Variants in MSI2 observed in about 807,000 individuals in gnomAD.
MSI2 encodes the protein RNA-binding protein Musashi homolog 2.
In MSI2, 17 loss-of-function variants were observed where a neutral mutation model predicts 45.6. That is an observed-to-expected ratio of 0.37 (90% CI 0.26 to 0.56). The LOEUF is 0.56. Ranked by LOEUF, MSI2 falls within the 20% of genes least tolerant of loss-of-function variation. The probability of loss-of-function intolerance (pLI) is 0.77; values close to 1 mark genes in which losing one functional copy is unlikely to be tolerated. For missense variants in MSI2, 293 were observed against 444.2 expected, an observed-to-expected ratio of 0.66 and a Z score of 3.06; for synonymous variants, 156 against 158.2, an observed-to-expected ratio of 0.99 and a Z score of 0.11.
At chr17:57,489,011 C>G (rs567546963) in intron 6 of MSI2, among the ~76,000 whole-genome samples, 25 of 152,286 alleles carry the variant, frequency 1.6e-4, no homozygotes, top group African/African-American at 5.8e-4. Context: ...GGCCTTCACT[C>G]TCAGTCCGTG....
intron 5 of MSI2, among the ~76,000 whole-genome samples, chr17:57,293,197 T>G (rs1234208051): frequency 6.6e-6 from 1 of 150,866 alleles, no homozygotes; most frequent in Non-Finnish European, 1.5e-5. Flanking sequence ...CTGAGAATGG[T>G]GTTTGCTCCA....
chr17:57,440,533 A>C (rs893374632), intron 6 of MSI2, among the ~76,000 whole-genome samples: 21 of 151,156 alleles, frequency 1.4e-4, no homozygotes, highest in African/African-American at 5.1e-4. Context: ...GAGGAGGCTC[A>C]TATACTGCTG....
At chr17:57,262,847 TG>T (rs968084134) in intron 5 of MSI2, among the ~76,000 whole-genome samples, 3 of 152,226 alleles carry the variant, frequency 2.0e-5, no homozygotes, top group African/African-American at 7.2e-5. Flanking sequence ...TTTTTAGAAG[TG>T]TGTCGTTAAC....
intron 6 of MSI2, chr17:57,450,281 A>AAGAAAGAAAGAAAGAAAGAG (rs2084982112): frequency 8.7e-6 from 1 of 115,496 alleles, no homozygotes; most frequent in African/African-American, 3.4e-5. Flanking sequence ...GAAAGAAAGA[A>AAGAAAGAAAGAAAGAAAGAG]AGAAAGAAAG....
chr17:57,354,766 A>C (rs1389924922), intron 5 of MSI2, among the ~76,000 whole-genome samples: 1 of 152,168 alleles, frequency 6.6e-6, no homozygotes, highest in South Asian at 2.1e-4. Context: ...TTGTATTAAT[A>C]CAAAGGAGCA....
intron 7 of MSI2, among the ~76,000 whole-genome samples, chr17:57,546,496 T>C (rs1311999427): frequency 6.6e-6 from 1 of 152,162 alleles, no homozygotes; most frequent in Non-Finnish European, 1.5e-5. Flanking sequence ...GGGTAAAAAA[T>C]ACACCAGAAA....
chr17:57,659,326 C>A (rs571303228), intron 11 of MSI2, among the ~76,000 whole-genome samples: 11 of 152,070 alleles, frequency 7.2e-5, no homozygotes, highest in Admixed American at 7.2e-4. Flanking sequence ...AAACTCCTGG[C>A]CTGAAATGAT....
chr17:57,631,638 G>A (rs1909381753), intron 10 of MSI2: 2 of 675,878 alleles, frequency 3.0e-6, no homozygotes, highest in Admixed American at 5.1e-5. Context: ...CCCACATCCA[G>A]GTGTCCACCC....
At chr17:57,361,688 G>T (rs1204033071) in intron 5 of MSI2, among the ~76,000 whole-genome samples, 1 of 152,016 alleles carries the variant, frequency 6.6e-6, no homozygotes, top group African/African-American at 2.4e-5. Context: ...CATCATAAAG[G>T]ACTTCAGACT....
intron 7 of MSI2, among the ~76,000 whole-genome samples, chr17:57,536,732 G>A (rs1006817266): frequency 1.3e-5 from 2 of 152,154 alleles, no homozygotes; most frequent in African/African-American, 2.4e-5. Flanking sequence ...ACAAGAAAGC[G>A]GACAGTCTGT....
intron 6 of MSI2, among the ~76,000 whole-genome samples, chr17:57,528,516 T>C (rs1446751383): frequency 1.3e-5 from 2 of 152,216 alleles, no homozygotes; most frequent in Non-Finnish European, 2.9e-5. Context: ...CTAGCATCAG[T>C]GTATTTGTTT....
In MSI2 at chr17:57,262,277, C is replaced by T. The variant is rs1907378568; in HGVS notation, c.312+85C>T. 2.9e-6 allele frequency: 4 copies of T among 1,395,800 alleles called. No individual in the cohort carries two copies. The Admixed American group carries it at 5.1e-5, about 18-fold the overall frequency. 86.5% of individuals were successfully genotyped at this position (1,395,800 alleles called of 1,614,324 possible). A position where few individuals can be genotyped will look rare whatever the true frequency, so the allele number is the denominator to read the frequency against. ...AATTTCAAACAGCATTGGCCATGAA[C>T]TGTTGAAGCCTGGTATTCACTGTTC... is the stretch of plus-strand genomic sequence containing the variant. On this transcript the variant is annotated intron_variant, in intron 5 of 13. Coordinates refer to ENST00000284073, the MANE Select transcript of MSI2 (RefSeq NM_138962.4).
chr17:57,256,484 A>T, upstream of MSI2: 1 of 78,754 alleles, frequency 1.3e-5, no homozygotes, highest in Non-Finnish European at 2.0e-5. Context: ...GAGGAGGGGG[A>T]GAGGTGGGGA....
chr17:57,345,804 GT>G (rs1198013355), intron 5 of MSI2, among the ~76,000 whole-genome samples: 4 of 141,734 alleles, frequency 2.8e-5, no homozygotes, highest in African/African-American at 1.1e-4. Context: ...GGGCGACAGA[GT>G]GGGACTCCGT....
At chr17:57,644,774 G>A (rs889247069) in intron 10 of MSI2, among the ~76,000 whole-genome samples, 2 of 152,086 alleles carry the variant, frequency 1.3e-5, no homozygotes, top group African/African-American at 4.8e-5. Flanking sequence ...GGACCATTCG[G>A]GGCCGGTGAT....
chr17:57,627,592 C>A lies in MSI2; in HGVS notation c.727+289C>A. 2.1e-6 allele frequency: 1 copy of A among 473,196 alleles called. No individual in the cohort carries two copies. The highest frequency in any genetic ancestry group is 3.8e-6 in the Non-Finnish European group (1 of 264,812). 29.3% of individuals were successfully genotyped at this position (473,196 alleles called of 1,614,324 possible). On this transcript the variant is annotated intron_variant, in intron 10 of 13. Transcript: ENST00000284073. This position sits in a 1 kb window ranked among gnomAD's most constrained non-coding sequence, Gnocchi z 4.6. ...CTGTGCTCACCTCCTTTTTCTGAAG[C>A]CTCTTCCGGGTTTTTTCTCACTGGG...
rs1048677320 is a variant in MSI2 at position 57,681,593 on chromosome 17, C to T, written c.*2076C>T. On this transcript the variant is annotated 3_prime_UTR_variant, in exon 14 of 14. Coordinates refer to ENST00000284073, the MANE Select transcript of MSI2 (RefSeq NM_138962.4). Reference sequence around the variant, plus strand: ...CTAACTCAGAAAGAAAGAAAAAACCCGTTTTCAATTCTAATGAAACAGCAA... The same window carrying T: ...CTAACTCAGAAAGAAAGAAAAAACCTGTTTTCAATTCTAATGAAACAGCAA... 1.1e-5 allele frequency: 2 copies of T among 183,492 alleles called. No individual in the cohort carries two copies. The highest frequency in any genetic ancestry group is 2.3e-5 in the Non-Finnish European group (2 of 86,668). The allele number at this position is 183,492 out of a possible 1,614,324, so 11.4% of individuals were successfully genotyped here. A position where few individuals can be genotyped will look rare whatever the true frequency, so the allele number is the denominator to read the frequency against.
intron 6 of MSI2, among the ~76,000 whole-genome samples, chr17:57,491,015 CGGGGT>C (rs1276218971): frequency 6.6e-6 from 1 of 152,118 alleles, no homozygotes; most frequent in Non-Finnish European, 1.5e-5. Flanking sequence ...GCCAGGGTTC[CGGGGT>C]GGGGAGGACG....
intron 7 of MSI2, among the ~76,000 whole-genome samples, chr17:57,541,955 A>C (rs62058101): frequency 0.081 from 12,380 of 152,128 alleles, 534 homozygotes; most frequent in South Asian, 0.11. Context: ...CCTCTGCACC[A>C]GATCTGCAAT....
Sources: gnomAD v4.1 joint callset for allele counts (sites outside exome capture counted in the v4.1 genomes callset) on GRCh38, gnomAD v4.1.1 for gene constraint, Gnocchi (gnomAD v3.1) non-coding constraint, MANE v1.5 for transcripts, NCBI Gene and HGNC (gene_info 2026-07-23, HGNC 2026-07-21) for gene names.